The following TNR variants were observed in gnomAD, a reference collection of about 807,000 sequenced individuals.
The protein encoded by TNR is tenascin-R.
In TNR, 45 loss-of-function variants were observed where a neutral mutation model predicts 150.4. The ratio of observed to expected loss-of-function variants is 0.30; its 90% CI spans 0.24 to 0.38. The LOEUF is 0.38. TNR is among the 10% of genes least tolerant of loss of function. TNR has a pLI of 1.00. For missense variants in TNR, 1,544 were observed against 1,759.1 expected (o/e 0.88, Z 2.19); for synonymous variants, 687 against 678.4 (o/e 1.01, Z -0.20).
chr1:175,686,786 C>A (rs12035440), intron 1 of TNR, among the ~76,000 whole-genome samples: 8,365 of 152,224 alleles, frequency 0.055, 334 homozygotes, highest in East Asian at 0.17. Flanking sequence ...ATAATGACCT[C>A]CAGCTGCATC....
intron 1 of TNR, among the ~76,000 whole-genome samples, chr1:175,574,064 G>C (rs929459660): frequency 6.6e-6 from 1 of 152,206 alleles, no homozygotes; most frequent in Non-Finnish European, 1.5e-5. Context: ...AGGAAGATGA[G>C]AGGTGGTGGG....
intron 2 of TNR, among the ~76,000 whole-genome samples, chr1:175,477,898 G>A (rs968647441): frequency 6.6e-6 from 1 of 152,158 alleles, no homozygotes; most frequent in African/African-American, 2.4e-5. Context: ...ATCCTCGGGG[G>A]TATGGATAGG....
chr1:175,418,412 A>C (rs949353571), intron 2 of TNR, among the ~76,000 whole-genome samples: 2 of 152,110 alleles, frequency 1.3e-5, no homozygotes, highest in African/African-American at 4.8e-5. Flanking sequence ...AAAGATTTTG[A>C]AAGGAGGAGG....
intron 18 of TNR, among the ~76,000 whole-genome samples, chr1:175,347,863 T>TAATA (rs1321885917): frequency 6.6e-6 from 1 of 152,070 alleles, no homozygotes; most frequent in Non-Finnish European, 1.5e-5. Context: ...TCAATGTACC[T>TAATA]AATATTACTG....
intron 2 of TNR, among the ~76,000 whole-genome samples, chr1:175,442,945 AT>A (rs1313383936): frequency 6.6e-6 from 1 of 152,046 alleles, no homozygotes. Flanking sequence ...GTTCAGTGCT[AT>A]TTTGGTCTTA....
chr1:175,480,465 AAAAAG>A (rs1166589255), intron 2 of TNR, among the ~76,000 whole-genome samples: 5 of 142,322 alleles, frequency 3.5e-5, no homozygotes, highest in Admixed American at 7.0e-5. Context: ...AAGAAAAGAA[AAAAAG>A]AAAAGAAAAG....
intron 9 of TNR, 78 bp downstream of exon 9, chr1:175,379,474 G>A: frequency 7.4e-7 from 1 of 1,360,414 alleles, no homozygotes; most frequent in Non-Finnish European, 1.0e-6. Flanking sequence ...GGGTTTGTAA[G>A]ATGTGTAGGT....
chr1:175,487,497 C>T (rs543813348), intron 2 of TNR, among the ~76,000 whole-genome samples: 1 of 152,302 alleles, frequency 6.6e-6, no homozygotes, highest in South Asian at 2.1e-4. Context: ...TGCTTTCTCC[C>T]TTTTCTTCCG....
chr1:175,527,930 G>A (rs1367894998), intron 2 of TNR, among the ~76,000 whole-genome samples: 1 of 152,168 alleles, frequency 6.6e-6, no homozygotes, highest in Non-Finnish European at 1.5e-5. Context: ...ACTGATTCAT[G>A]CGGGCCCAGT....
chr1:175,551,681 A>T (rs900106222), intron 1 of TNR, among the ~76,000 whole-genome samples: 1 of 152,236 alleles, frequency 6.6e-6, no homozygotes, highest in African/African-American at 2.4e-5. Context: ...AAAAATGAGA[A>T]GATTAAAAAT....
chr1:175,681,829 G>A (rs1020662332), intron 1 of TNR, among the ~76,000 whole-genome samples: 1 of 152,206 alleles, frequency 6.6e-6, no homozygotes, highest in African/African-American at 2.4e-5. Flanking sequence ...GAATGGGCCA[G>A]AAGCTAGTTC....
At chr1:175,417,617 G>A (rs570449155) in intron 2 of TNR, among the ~76,000 whole-genome samples, 1 of 152,196 alleles carries the variant, frequency 6.6e-6, no homozygotes, top group African/African-American at 2.4e-5. Flanking sequence ...AATTATAACT[G>A]TAAATGTAGG....
chr1:175,425,179 C>T (rs1326241711), intron 2 of TNR, among the ~76,000 whole-genome samples: 1 of 152,130 alleles, frequency 6.6e-6, no homozygotes, highest in Non-Finnish European at 1.5e-5. Context: ...GGGAATCATA[C>T]AGCTCTGGAT....
At chr1:175,487,684 G>T (rs1658072387) in intron 2 of TNR, among the ~76,000 whole-genome samples, 2 of 152,248 alleles carry the variant, frequency 1.3e-5, no homozygotes, top group South Asian at 4.2e-4. Flanking sequence ...AACCTCATCT[G>T]AAAATGGGGA....
At chr1:175,371,441 G>A (rs1490428077) in intron 9 of TNR, among the ~76,000 whole-genome samples, 1 of 152,210 alleles carries the variant, frequency 6.6e-6, no homozygotes, top group Admixed American at 6.5e-5. Context: ...ACAAGGTGGT[G>A]TGAGCTGAAC....
chr1:175,390,205 G>C (rs1442800790), intron 7 of TNR, among the ~76,000 whole-genome samples: 1 of 152,240 alleles, frequency 6.6e-6, no homozygotes, highest in Admixed American at 6.5e-5. Context: ...TTCAGTAGCA[G>C]AGCATGAATC....
intron 1 of TNR, among the ~76,000 whole-genome samples, chr1:175,620,501 G>A (rs1033370953): frequency 8.5e-5 from 13 of 152,178 alleles, no homozygotes; most frequent in Non-Finnish European, 1.6e-4. Context: ...TCCAAGTTCT[G>A]GAGGCTTTCC....
intron 5 of TNR, among the ~76,000 whole-genome samples, chr1:175,394,852 G>A (rs1653349803): frequency 6.6e-6 from 1 of 152,136 alleles, no homozygotes; most frequent in Admixed American, 6.5e-5. Flanking sequence ...GGAATGCCCT[G>A]AATTGGCATA....
chr1:175,637,131 G>C (rs1462034667), intron 1 of TNR, among the ~76,000 whole-genome samples: 1 of 152,176 alleles, frequency 6.6e-6, no homozygotes, highest in Admixed American at 6.5e-5. Context: ...GAAATTAAGA[G>C]AAAAAGAAAG....
Sources: allele counts gnomAD v4.1 joint callset (sites outside exome capture counted in the v4.1 genomes callset), GRCh38; gene constraint gnomAD v4.1.1; transcripts MANE v1.5; gene names NCBI Gene and HGNC (gene_info 2026-07-23, HGNC 2026-07-21).